Variants in ANKRD36C observed in about 807,000 individuals in gnomAD.
ANKRD36C encodes ankyrin repeat domain 36C, also known as ankyrin repeat domain-containing protein 36C.
Under a neutral mutation model 276.4 loss-of-function variants are expected in ANKRD36C, and 61 were observed. The ratio of observed to expected loss-of-function variants is 0.22; its 90% CI spans 0.18 to 0.27. The LOEUF is 0.27. Among genes scored for constraint, ANKRD36C ranks in the 10% least tolerant of loss-of-function variants. The probability of loss-of-function intolerance (pLI) is 1.00; values close to 1 mark genes in which losing one functional copy is unlikely to be tolerated. For missense variants in ANKRD36C, 1,447 were observed against 2,032.3 expected (o/e 0.71, Z 5.54); for synonymous variants, 483 against 680.1 (o/e 0.71, Z 4.51).
chr2:95,970,802 CT>C (rs1558660966), intron 6 of ANKRD36C, among the ~76,000 whole-genome samples: 1 of 152,134 alleles, frequency 6.6e-6, no homozygotes, highest in Non-Finnish European at 1.5e-5. Context: ...GACTTTCTGA[CT>C]CCAGTTTTAT....
intron 50 of ANKRD36C, among the ~76,000 whole-genome samples, chr2:95,886,578 T>C (rs1676208949): frequency 6.6e-6 from 1 of 151,714 alleles, no homozygotes; most frequent in Non-Finnish European, 1.5e-5. Flanking sequence ...CACCTGGAAA[T>C]CAATGTCAAA....
At chr2:95,872,373 C>T (rs1267921314) in intron 59 of ANKRD36C, among the ~76,000 whole-genome samples, 3 of 151,244 alleles carry the variant, frequency 2.0e-5, no homozygotes, top group Non-Finnish European at 4.4e-5. Flanking sequence ...CACTCAAAAC[C>T]GCTCAACTAC....
intron 6 of ANKRD36C, among the ~76,000 whole-genome samples, chr2:95,975,796 G>C (rs1401280598): frequency 6.6e-6 from 1 of 152,172 alleles, no homozygotes; most frequent in South Asian, 2.1e-4. Context: ...TTAAACGAAA[G>C]AGCTTCTGCC....
In ANKRD36C at chr2:95,914,247, G is replaced by T. The variant is rs566528304; in HGVS notation, c.2478+28C>A. 2.7e-3 allele frequency: 4,122 copies of T among 1,554,102 alleles called. 5 individuals are homozygous for T. Among genetic ancestry groups the T allele is most frequent in the Non-Finnish European group, 3.3e-3 (3,814 of 1,147,352 alleles). ...GTTTCATAGACTATGCATTTACTAG[G>T]TCACAATATAAATGACAGTTTCATT... is the stretch of plus-strand genomic sequence containing the variant. On this transcript the variant is annotated intron_variant, in intron 39 of 66. Coordinates refer to ENST00000456556, the Ensembl canonical transcript of ANKRD36C.
At chr2:95,974,012 T>C (rs557076230) in intron 6 of ANKRD36C, among the ~76,000 whole-genome samples, 10 of 151,994 alleles carry the variant, frequency 6.6e-5, no homozygotes, top group Admixed American at 5.9e-4. Flanking sequence ...GATCACACTA[T>C]TGTGCTCTAG....
Position 95,887,907 on chromosome 2 carries a change from T to A in ANKRD36C, c.3061+18A>T. 6.4e-7 allele frequency: 1 copy of A among 1,571,440 alleles called. No homozygotes were observed. The highest frequency in any genetic ancestry group is 8.6e-7 in the Non-Finnish European group (1 of 1,157,420). ...TATCTGGACTGAACATGACATTAAA[T>A]GTGTTTTGTGAAATTACCTGTTCCA... On this transcript the variant is annotated intron_variant, in intron 50 of 66. Transcript: ENST00000456556.
intron 42 of ANKRD36C, 25 bp from the exon 47 acceptor site, chr2:95,908,722 T>A: frequency 6.5e-7 from 1 of 1,545,542 alleles, no homozygotes; most frequent in Non-Finnish European, 8.7e-7. Flanking sequence ...GGATTCATAA[T>A]CACTCATATG....
At chr2:95,922,805 GAT>G (rs76139731) in intron 32 of ANKRD36C, among the ~76,000 whole-genome samples, 1 of 151,586 alleles carries the variant, frequency 6.6e-6, no homozygotes, top group Non-Finnish European at 1.5e-5. Context: ...ATCAACAAAA[GAT>G]ATATGTCTTA....
intron 24 of ANKRD36C, among the ~76,000 whole-genome samples, chr2:95,929,529 AC>A (rs1223173838): frequency 6.6e-6 from 1 of 151,590 alleles, no homozygotes; most frequent in African/African-American, 2.4e-5. Flanking sequence ...CTAAGATAAA[AC>A]CATGTCAATA....
chr2:95,888,330 A>G (rs1467999174), intron 48 of ANKRD36C, among the ~76,000 whole-genome samples: 1 of 151,808 alleles, frequency 6.6e-6, no homozygotes, highest in East Asian at 1.9e-4. Flanking sequence ...ACAATTTCAA[A>G]CATGGCATGA....
intron 58 of ANKRD36C, among the ~76,000 whole-genome samples, chr2:95,879,457 G>A (rs1676026742): frequency 6.6e-6 from 1 of 150,884 alleles, no homozygotes; most frequent in South Asian, 2.1e-4. Context: ...CAAATTAAAA[G>A]ACAGCACAAA....
intron 22 of ANKRD36C, among the ~76,000 whole-genome samples, chr2:95,936,702 T>C: frequency 6.6e-6 from 1 of 152,202 alleles, no homozygotes; most frequent in East Asian, 1.9e-4. Flanking sequence ...TGTACTCTTT[T>C]TTGTTGATAA....
chr2:95,862,757 A>G (rs899826043), intron 60 of ANKRD36C, among the ~76,000 whole-genome samples: 38 of 151,858 alleles, frequency 2.5e-4, no homozygotes, highest in Non-Finnish European at 5.0e-4. Context: ...AGGAGGGGGG[A>G]TTTTTACAGG....
chr2:95,970,619 A>T (rs1173957831), intron 6 of ANKRD36C, among the ~76,000 whole-genome samples: 1 of 152,036 alleles, frequency 6.6e-6, no homozygotes, highest in Non-Finnish European at 1.5e-5. Context: ...AAATAGTATG[A>T]CTCTCTTGGC....
At chr2:95,893,783 G>A in intron 44 of ANKRD36C, 59 bp from the exon 63 acceptor site, 1 of 1,600,144 alleles carries the variant, frequency 6.2e-7, no homozygotes, top group Non-Finnish European at 8.5e-7. Context: ...GATATCCATA[G>A]ATTCATGCAG....
At chr2:95,868,991 CACA>C (rs1490624105) in intron 59 of ANKRD36C, among the ~76,000 whole-genome samples, 1 of 152,204 alleles carries the variant, frequency 6.6e-6, no homozygotes, top group Non-Finnish European at 1.5e-5. Flanking sequence ...TCCTTTCTAT[CACA>C]ACACTTTTTC....
intron 16 of ANKRD36C, among the ~76,000 whole-genome samples, chr2:95,948,989 C>T (rs1474040147): frequency 6.6e-6 from 1 of 152,014 alleles, no homozygotes; most frequent in African/African-American, 2.4e-5. Flanking sequence ...CTGCAGTAAA[C>T]CTGATAACCT....
exon 36 of ANKRD36C, chr2:95,917,865 T>C (rs1677148643): frequency 5.6e-6 from 9 of 1,601,062 alleles, no homozygotes; most frequent in African/African-American, 1.3e-5. Flanking sequence ...CTGTCCCAGA[T>C]TTTTCTCCGT....
At chr2:95,930,723 C>G (rs1463319601) in intron 24 of ANKRD36C, among the ~76,000 whole-genome samples, 1 of 151,300 alleles carries the variant, frequency 6.6e-6, no homozygotes, top group Admixed American at 6.6e-5. Flanking sequence ...AAAATACATT[C>G]TTTGATTCCT....
Sources: gnomAD v4.1 joint callset for allele counts (sites outside exome capture counted in the v4.1 genomes callset) on GRCh38, gnomAD v4.1.1 for gene constraint, MANE v1.5 for transcripts, NCBI Gene and HGNC (gene_info 2026-07-23, HGNC 2026-07-21) for gene names.